LGR5: variants seen among roughly 807,000 people sequenced by gnomAD.
LGR5 encodes leucine-rich repeat-containing G protein-coupled receptor 5.
A neutral mutation model predicts 76.7 loss-of-function variants in LGR5; 54 were observed. That is an observed-to-expected ratio of 0.70 (90% CI 0.57 to 0.88). The LOEUF is 0.88. Among genes scored for constraint, LGR5 ranks in the 40% least tolerant of loss-of-function variants. The pLI, the probability that LGR5 is intolerant of heterozygous loss-of-function variation, is 0.00. For synonymous variants in LGR5, 406 were observed against 421.9 expected, an observed-to-expected ratio of 0.96 and a Z score of 0.46; for missense variants, 1,078 against 1,073.3, an observed-to-expected ratio of 1.00 and a Z score of -0.06.
intron 1 of LGR5, among the ~76,000 whole-genome samples, chr12:71,483,726 T>A (rs1397231509): frequency 6.6e-6 from 1 of 152,102 alleles, no homozygotes; most frequent in African/African-American, 2.4e-5. Flanking sequence ...TAAAATGGAC[T>A]GTTGTCTGTA....
chr12:71,517,986 G>A (rs1237994733), intron 2 of LGR5, among the ~76,000 whole-genome samples: 3 of 151,872 alleles, frequency 2.0e-5, no homozygotes, highest in Non-Finnish European at 4.4e-5. Flanking sequence ...TGCCACCTCT[G>A]CCACTGCTAC....
At chr12:71,514,540 C>G (rs941066757) in intron 2 of LGR5, among the ~76,000 whole-genome samples, 4 of 148,198 alleles carry the variant, frequency 2.7e-5, no homozygotes, top group Non-Finnish European at 4.5e-5. Context: ...TGCACTCCAG[C>G]CTGGGCGAAA....
intron 1 of LGR5, among the ~76,000 whole-genome samples, chr12:71,442,056 T>G (rs1871791729): frequency 6.6e-6 from 1 of 152,352 alleles, no homozygotes; most frequent in South Asian, 2.1e-4. Flanking sequence ...TTTGACTGTA[T>G]GCAAGGGAGG....
Position 71,583,914 on chromosome 12 carries a change from T to A in LGR5, c.1904T>A (p.Val635Asp), listed in dbSNP as rs759190756. 6 of 1,614,044 alleles carry A rather than the reference T, an allele frequency of 3.7e-6. No homozygotes were observed. The East Asian group carries it at 1.3e-4, about 36-fold the overall frequency. The stretch of plus-strand genomic sequence containing the variant: ...CATGGTGCCTGGTGGGAGAATGGGG[T>A]TGGTTGCCATGTCATTGGTTTTTTG... The part of the protein sequence containing the change: ...ARHGAWWENG[V>D]GCHVIGFLSI... Residue 635 changes from valine to aspartate, a missense_variant, in exon 18 of 18, where the codon GTT becomes GAT. Coordinates refer to ENST00000266674, the MANE Select transcript of LGR5 (RefSeq NM_003667.4).
At chr12:71,526,949 T>A (rs1398172599) in intron 3 of LGR5, among the ~76,000 whole-genome samples, 1 of 152,176 alleles carries the variant, frequency 6.6e-6, no homozygotes, top group East Asian at 1.9e-4. Flanking sequence ...AGGTTAGTAC[T>A]TGAGCATTCA....
intron 2 of LGR5, among the ~76,000 whole-genome samples, chr12:71,522,768 A>G (rs952820345): frequency 6.6e-6 from 1 of 152,194 alleles, no homozygotes; most frequent in Non-Finnish European, 1.5e-5. Context: ...AAAAACAGGC[A>G]CAAACACAAA....
intron 1 of LGR5, among the ~76,000 whole-genome samples, chr12:71,467,048 G>A (rs1185929889): frequency 6.6e-6 from 1 of 151,778 alleles, no homozygotes; most frequent in East Asian, 1.9e-4. Flanking sequence ...TTTATAATCT[G>A]CCAGACTTCC....
intron 1 of LGR5, among the ~76,000 whole-genome samples, chr12:71,497,524 T>G (rs1450473891): frequency 1.3e-5 from 2 of 152,202 alleles, no homozygotes; most frequent in Non-Finnish European, 2.9e-5. Context: ...GATAACATTT[T>G]TAAAGTACCT....
At chr12:71,579,380 T>C (rs150784398) in intron 15 of LGR5, among the ~76,000 whole-genome samples, 1 of 152,338 alleles carries the variant, frequency 6.6e-6, no homozygotes, top group Non-Finnish European at 1.5e-5. Flanking sequence ...TCTTGAAAGA[T>C]TATGTATTTT....
At chr12:71,479,434 G>A (rs922131875) in intron 1 of LGR5, among the ~76,000 whole-genome samples, 5 of 152,166 alleles carry the variant, frequency 3.3e-5, no homozygotes, top group Non-Finnish European at 7.3e-5. Context: ...TTTCAACAAC[G>A]TGCCAAATGC....
intron 1 of LGR5, among the ~76,000 whole-genome samples, chr12:71,494,653 G>A (rs1237400094): frequency 6.6e-6 from 1 of 151,144 alleles, no homozygotes; most frequent in Non-Finnish European, 1.5e-5. Context: ...ATTTGCTGGT[G>A]TTCCCAGCAG....
chr12:71,547,362 A>G (rs1877238797), intron 4 of LGR5, among the ~76,000 whole-genome samples: 1 of 152,206 alleles, frequency 6.6e-6, no homozygotes, highest in Admixed American at 6.5e-5. Context: ...ATAGAGAAAC[A>G]CCAGCCCATA....
intron 4 of LGR5, among the ~76,000 whole-genome samples, chr12:71,536,736 C>A (rs1383044451): frequency 1.3e-5 from 2 of 152,162 alleles, no homozygotes; most frequent in South Asian, 2.1e-4. Flanking sequence ...AAACAGAACA[C>A]AAACAGAAGT....
chr12:71,475,616 T>C (rs1360329480), intron 1 of LGR5, among the ~76,000 whole-genome samples: 1 of 152,196 alleles, frequency 6.6e-6, no homozygotes, highest in East Asian at 1.9e-4. Context: ...GCTGTTCTCC[T>C]ACCAGAAATG....
At chr12:71,457,971 T>C (rs1364404778) in intron 1 of LGR5, among the ~76,000 whole-genome samples, 1 of 152,164 alleles carries the variant, frequency 6.6e-6, no homozygotes, top group Admixed American at 6.5e-5. Context: ...TTTCACAGCC[T>C]GGTTCATGGT....
chr12:71,476,751 G>A (rs1427737148), intron 1 of LGR5, among the ~76,000 whole-genome samples: 1 of 152,164 alleles, frequency 6.6e-6, no homozygotes, highest in African/African-American at 2.4e-5. Context: ...ATGATTTTGG[G>A]AAAGAAATCT....
At chr12:71,483,281 G>A (rs948509795) in intron 1 of LGR5, among the ~76,000 whole-genome samples, 2 of 152,126 alleles carry the variant, frequency 1.3e-5, no homozygotes, top group East Asian at 1.9e-4. Context: ...GGGGCTGGGA[G>A]AGAGATGAAC....
intron 11 of LGR5, among the ~76,000 whole-genome samples, chr12:71,569,486 G>A (rs1168236768): frequency 2.7e-5 from 4 of 145,914 alleles, no homozygotes; most frequent in South Asian, 2.3e-4. Flanking sequence ...CCATTAAAAC[G>A]TGGGCAAAGG....
In LGR5 at chr12:71,464,766, A is replaced by C. The variant is rs547970019; in HGVS notation, c.212+24474A>C. Among the ~76,000 whole-genome samples the C allele has an allele frequency of 1.5e-3, 235 of 152,338 alleles. 1 individual carries two copies. The highest frequency in any genetic ancestry group is 5.4e-3 in the African/African-American group (223 of 41,568). On this transcript the variant is annotated intron_variant, in intron 1 of 17. Transcript: ENST00000266674. ...ATTTTAATAGTGATATTTAATTTAAAATGTCTTTGAACATTCAAAGTTGGC... is the reference window on the plus strand; with the variant it reads ...ATTTTAATAGTGATATTTAATTTAACATGTCTTTGAACATTCAAAGTTGGC...
Sources: gnomAD v4.1 joint callset for allele counts (sites outside exome capture counted in the v4.1 genomes callset) on GRCh38, gnomAD v4.1.1 for gene constraint, MANE v1.5 for transcripts, NCBI Gene and HGNC (gene_info 2026-07-23, HGNC 2026-07-21) for gene names.